The following DLG2 variants were observed in gnomAD, a reference collection of about 807,000 sequenced individuals.
The protein encoded by DLG2 is disks large homolog 2.
Under a neutral mutation model 132.5 loss-of-function variants are expected in DLG2, and 45 were observed. The ratio of observed to expected loss-of-function variants is 0.34; its 90% CI spans 0.27 to 0.44. DLG2 has a LOEUF of 0.44. DLG2 is among the 20% of genes least tolerant of loss of function. The pLI is 1.00. For synonymous variants in DLG2, 424 were observed against 419.6 expected, an observed-to-expected ratio of 1.01 and a Z score of -0.13; for missense variants, 1,045 against 1,196.9, an observed-to-expected ratio of 0.87 and a Z score of 1.87.
At chr11:84,917,191 G>A (rs1452494785) in intron 6 of DLG2, among the ~76,000 whole-genome samples, 2 of 152,038 alleles carry the variant, frequency 1.3e-5, no homozygotes, top group African/African-American at 2.4e-5. Flanking sequence ...ACCCGTAATA[G>A]GTACTATATC....
rs548390151 is a variant in DLG2, at chr11:84,694,096, C to T, written c.358-159365G>A. Reference sequence around the variant, plus strand: ...CATATTATTAATAATTGTCACATTGCCTATAACATCATAGGAGCCAAACAA... The same window carrying T: ...CATATTATTAATAATTGTCACATTGTCTATAACATCATAGGAGCCAAACAA... On this transcript the variant is annotated intron_variant, in intron 6 of 27. Transcript: ENST00000376104. Among the ~76,000 whole-genome samples, 29 of 151,640 alleles carry T rather than the reference C, an allele frequency of 1.9e-4. 1 individual carries two copies. In the South Asian group the frequency reaches 6.0e-3, roughly 32 times the overall value.
At chr11:83,460,136 A>C (rs2089609836) in intron 27 of DLG2, among the ~76,000 whole-genome samples, 1 of 152,226 alleles carries the variant, frequency 6.6e-6, no homozygotes, top group African/African-American at 2.4e-5. Flanking sequence ...ATCCTGGATC[A>C]GTAACAAATG....
At chr11:84,213,160 G>A (rs148215913) in intron 8 of DLG2, among the ~76,000 whole-genome samples, 32 of 152,252 alleles carry the variant, frequency 2.1e-4, no homozygotes, top group Non-Finnish European at 3.8e-4. Flanking sequence ...TTAGGTCAGA[G>A]GAAATCTTCC....
At chr11:85,531,757 C>T (rs565323865) in intron 3 of DLG2, among the ~76,000 whole-genome samples, 5 of 152,138 alleles carry the variant, frequency 3.3e-5, no homozygotes, top group African/African-American at 1.2e-4. Flanking sequence ...AAGACACACG[C>T]TGCAAGATAA....
chr11:85,288,227 A>G (rs2078679744), intron 3 of DLG2, among the ~76,000 whole-genome samples: 1 of 152,088 alleles, frequency 6.6e-6, no homozygotes, highest in African/African-American at 2.4e-5. Flanking sequence ...ATAAATATTA[A>G]GATTTACAGA....
chr11:83,629,764 C>CGA (rs1297080538), intron 19 of DLG2, among the ~76,000 whole-genome samples: 1 of 152,080 alleles, frequency 6.6e-6, no homozygotes, highest in Non-Finnish European at 1.5e-5. Context: ...AGGCAGTGAA[C>CGA]GAGAGCCTCA....
chr11:85,139,877 C>G (rs2076355957), intron 5 of DLG2, among the ~76,000 whole-genome samples: 3 of 151,920 alleles, frequency 2.0e-5, no homozygotes, highest in African/African-American at 4.8e-5. Context: ...TATACACACA[C>G]AGATAGATAG....
At chr11:84,208,341 C>CTTTTTT (rs775828270) in intron 8 of DLG2, among the ~76,000 whole-genome samples, 1 of 122,788 alleles carries the variant, frequency 8.1e-6, no homozygotes, top group African/African-American at 3.2e-5. Flanking sequence ...TCAGAATAAA[C>CTTTTTT]TTTTTTTTTT....
At chr11:84,807,827 A>C (rs1188538745) in intron 6 of DLG2, among the ~76,000 whole-genome samples, 1 of 152,224 alleles carries the variant, frequency 6.6e-6, no homozygotes, top group African/African-American at 2.4e-5. Context: ...TGTATGTACA[A>C]ATAAGAGTTG....
At chr11:84,659,942 G>A (rs555690500) in intron 6 of DLG2, among the ~76,000 whole-genome samples, 4 of 152,100 alleles carry the variant, frequency 2.6e-5, no homozygotes, top group Admixed American at 6.6e-5. Context: ...CCAAACATGG[G>A]GCTTCTGTCT....
chr11:84,624,818 G>A (rs2099619480), intron 6 of DLG2, among the ~76,000 whole-genome samples: 1 of 144,552 alleles, frequency 6.9e-6, no homozygotes, highest in Non-Finnish European at 1.5e-5. Context: ...TAATACAGTT[G>A]ACTCTCTTCT....
At chr11:85,444,305 G>A (rs1301598682) in intron 3 of DLG2, among the ~76,000 whole-genome samples, 2 of 152,186 alleles carry the variant, frequency 1.3e-5, no homozygotes, top group African/African-American at 2.4e-5. Flanking sequence ...AGCACTGGTA[G>A]GAGTTATCCT....
chr11:85,165,813 C>T (rs1311972632), intron 4 of DLG2, among the ~76,000 whole-genome samples: 1 of 152,158 alleles, frequency 6.6e-6, no homozygotes, highest in African/African-American at 2.4e-5. Flanking sequence ...ATAAGGGCAG[C>T]CAGTTTGCAA....
At chr11:85,106,176 C>T (rs1480278350) in intron 6 of DLG2, among the ~76,000 whole-genome samples, 1 of 79,290 alleles carries the variant, frequency 1.3e-5, no homozygotes, top group Non-Finnish European at 2.3e-5. Context: ...TCTGTTTTTA[C>T]TGATTCCCAT....
intron 6 of DLG2, among the ~76,000 whole-genome samples, chr11:84,554,503 T>G (rs1298671851): frequency 6.6e-6 from 1 of 152,050 alleles, no homozygotes; most frequent in Non-Finnish European, 1.5e-5. Flanking sequence ...TCCCAGCACT[T>G]TGGGAGGCCG....
At chr11:85,028,175 C>T (rs970266333) in intron 6 of DLG2, among the ~76,000 whole-genome samples, 1 of 152,130 alleles carries the variant, frequency 6.6e-6, no homozygotes, top group Non-Finnish European at 1.5e-5. Context: ...CCTGACAAGA[C>T]AACAGCAACC....
intron 18 of DLG2, among the ~76,000 whole-genome samples, chr11:83,665,854 T>A (rs1397576135): frequency 6.6e-6 from 1 of 152,126 alleles, no homozygotes; most frequent in African/African-American, 2.4e-5. Flanking sequence ...GAATTCTCTA[T>A]CAGCTGTAGC....
intron 19 of DLG2, among the ~76,000 whole-genome samples, chr11:83,593,551 G>A (rs1379783348): frequency 8.6e-5 from 13 of 151,348 alleles, no homozygotes; most frequent in African/African-American, 2.7e-4. Context: ...GCTAGATGAC[G>A]AGTTAGTGGG....
intron 3 of DLG2, among the ~76,000 whole-genome samples, chr11:85,464,210 C>T (rs1376271479): frequency 6.6e-6 from 1 of 152,124 alleles, no homozygotes; most frequent in African/African-American, 2.4e-5. Flanking sequence ...ATATTCTATG[C>T]ATTTTGTAAT....
Sources: allele counts gnomAD v4.1 joint callset (sites outside exome capture counted in the v4.1 genomes callset), GRCh38; gene constraint gnomAD v4.1.1; transcripts MANE v1.5; gene names NCBI Gene and HGNC (gene_info 2026-07-23, HGNC 2026-07-21).